The following HNRNPM variants were observed in gnomAD, a reference collection of about 807,000 sequenced individuals.
HNRNPM encodes heterogeneous nuclear ribonucleoprotein M.
Under a neutral mutation model 73.1 loss-of-function variants are expected in HNRNPM, and 11 were observed. The observed-to-expected ratio is 0.15, with a 90% CI of 0.09 to 0.25. The LOEUF is 0.25. Ranked by LOEUF, HNRNPM falls within the 10% of genes least tolerant of loss-of-function variation. HNRNPM has a pLI of 1.00. For synonymous variants in HNRNPM, 407 were observed against 355.2 expected, an observed-to-expected ratio of 1.15 and a Z score of -1.64; for missense variants, 789 against 1,067.9, an observed-to-expected ratio of 0.74 and a Z score of 3.64.
chr19:8,473,527 T>TA, intron 10 of HNRNPM, 137 bp from the exon 11 acceptor site: 1 of 635,586 alleles, frequency 1.6e-6, no homozygotes, highest in South Asian at 1.8e-5. Context: ...TCTTGCTGAT[T>TA]AAAATATATA....
intron 1 of HNRNPM, among the ~76,000 whole-genome samples, chr19:8,446,598 T>C (rs1237297083): frequency 6.6e-6 from 1 of 152,098 alleles, no homozygotes; most frequent in African/African-American, 2.4e-5. Context: ...AGAGGAGGTC[T>C]CCGGGTGTTG....
chr19:8,486,122 G>A lies in HNRNPM; in HGVS notation c.1694G>A (p.Arg565Gln), dbSNP rs1418851954. Reference sequence around the variant, plus strand: ...CGCATGGGCGCCAACAATCTGGAGCGGATGGGCCTGGAGCGCATGGGCGCC... The same window carrying A: ...CGCATGGGCGCCAACAATCTGGAGCAGATGGGCCTGGAGCGCATGGGCGCC... ...LERMGANNLE[R>Q]MGLERMGANS... Residue 565 changes from arginine (R) to glutamine (Q), a missense_variant, in exon 14 of 16, where the codon CGG (arginine) becomes CAG (glutamine). By Grantham distance (43) the Arg-to-Gln change is conservative. This residue lies in a region of HNRNPM where 604 missense variants were observed against 744.0 expected (regional missense o/e 0.81). Transcript: ENST00000325495. 4 of 1,606,108 alleles carry A rather than the reference G, an allele frequency of 2.5e-6. No homozygotes were observed. The highest frequency in any genetic ancestry group is 2.2e-5 in the East Asian group (1 of 44,770).
At position 8,477,418 on chromosome 19, in the gene HNRNPM, G is replaced by A. The variant is rs983340866; in HGVS notation, c.1120+3174G>A. 6.6e-5 allele frequency among the ~76,000 whole-genome samples: 10 copies of A among 152,252 alleles called. 1 individual carries two copies. The South Asian group carries it at 1.9e-3, about 28-fold the overall frequency. Reference sequence around the variant, plus strand: ...CACACCTGTTATCCCAACACTTTGGGAGGCTGAGGCAGGAGGATCACTTGA... The same window carrying A: ...CACACCTGTTATCCCAACACTTTGGAAGGCTGAGGCAGGAGGATCACTTGA... On this transcript the variant is annotated intron_variant, in intron 12 of 15. Coordinates refer to ENST00000325495, the MANE Select transcript of HNRNPM (RefSeq NM_005968.5).
Position 8,485,960 on chromosome 19 carries a change from T to A in HNRNPM, c.1532T>A (p.Met511Lys). Residue 511 changes from methionine (M) to lysine (K), a missense_variant, in exon 14 of 16, where the codon ATG (methionine) becomes AAG (lysine). Met to Lys is a moderately conservative substitution (Grantham distance 95). Coordinates refer to ENST00000325495, the MANE Select transcript of HNRNPM (RefSeq NM_005968.5). ...CGTGTGGGCCAGACCATTGAGCGCA[T>A]GGGCTCTGGCGTGGAGCGCATGGGC... ...IDRVGQTIER[M>K]GSGVERMGPA... is the part of the protein sequence containing the mutation. 6.2e-7 allele frequency: 1 copy of A among 1,606,392 alleles called. No homozygotes were observed. The highest frequency in any genetic ancestry group is 8.5e-7 in the Non-Finnish European group (1 of 1,179,358).
At chr19:8,450,901 T>C (rs2145612293) in intron 1 of HNRNPM, among the ~76,000 whole-genome samples, 1 of 151,500 alleles carries the variant, frequency 6.6e-6, no homozygotes, top group African/African-American at 2.4e-5. Flanking sequence ...GGCTAATTTT[T>C]GGTTTTGTTT....
chr19:8,460,699 A>G (rs1457926174), intron 2 of HNRNPM, among the ~76,000 whole-genome samples: 1 of 152,250 alleles, frequency 6.6e-6, no homozygotes, highest in African/African-American at 2.4e-5. Flanking sequence ...GAAACTTCCC[A>G]TGCAACTGGG....
chr19:8,465,396 C>G lies in HNRNPM; in HGVS notation c.511C>G (p.Pro171Ala), dbSNP rs374069537. ...MATTGGMGMG[P>A]GGPGMITIPP... ...TACGACTGGTGGGATGGGTATGGGA[C>G]CAGGTGGCCCAGGAATGATTACTAT... Residue 171 changes from proline to alanine, a missense_variant, in exon 6 of 16, where the codon CCA becomes GCA. Around this residue, in one of 4 missense-constraint regions of HNRNPM, gnomAD observed 604 missense variants for 744.0 expected, o/e 0.81. Coordinates refer to ENST00000325495, the MANE Select transcript of HNRNPM (RefSeq NM_005968.5). 8.7e-6 allele frequency: 14 copies of G among 1,613,782 alleles called. No homozygotes were observed. Among genetic ancestry groups the G allele is most frequent in the African/African-American group, 2.7e-5 (2 of 74,878 alleles).
intron 8 of HNRNPM, 140 bp downstream of exon 8, chr19:8,467,724 T>A: frequency 4.2e-6 from 3 of 707,916 alleles, no homozygotes; most frequent in Non-Finnish European, 7.6e-6. Flanking sequence ...AGCAAAATTG[T>A]GAGAGAAATA....
chr19:8,483,175 C>T lies in HNRNPM; in HGVS notation c.1138C>T (p.Leu380=), dbSNP rs745952844. The change falls in exon 13 of 16, where the codon CTG becomes TTG. Residue 380 remains leucine, a synonymous_variant. Coordinates refer to ENST00000325495, the MANE Select transcript of HNRNPM (RefSeq NM_005968.5). ...GRINEILSNA[L]KRGEIIAKQG... The stretch of plus-strand genomic sequence containing the variant: ...TTCCTTAGAAATCCTAAGTAATGCA[C>T]TGAAGAGAGGAGAGATCATTGCAAA... 1.9e-6 allele frequency: 3 copies of T among 1,611,828 alleles called. No homozygotes were observed. In the Admixed American group the frequency reaches 5.0e-5, roughly 27 times the overall value.
chr19:8,455,685 C>CCTG, intron 2 of HNRNPM, 111 bp downstream of exon 2: 1 of 741,214 alleles, frequency 1.3e-6, no homozygotes, highest in Non-Finnish European at 2.2e-6. Flanking sequence ...AGAGCATGTT[C>CCTG]TTTCCAGGCT....
rs551804984 is a variant in HNRNPM, at chr19:8,456,120, T to C, written c.283+546T>C. Reference sequence around the variant, plus strand: ...AGGCTTTTTCCCCTCTGGGAAAAAATAGAGTAGACTGGCCATTGGAGAGCT... The same window carrying C: ...AGGCTTTTTCCCCTCTGGGAAAAAACAGAGTAGACTGGCCATTGGAGAGCT... On this transcript the variant is annotated intron_variant, in intron 2 of 15. Transcript: ENST00000325495. 2.1e-3 allele frequency among the ~76,000 whole-genome samples: 326 copies of C among 152,170 alleles called. 1 individual carries two copies. The highest frequency in any genetic ancestry group is 7.5e-3 in the African/African-American group (311 of 41,526).
intron 12 of HNRNPM, among the ~76,000 whole-genome samples, chr19:8,476,849 G>C (rs1318884837): frequency 6.6e-6 from 1 of 152,152 alleles, no homozygotes; most frequent in Non-Finnish European, 1.5e-5. Flanking sequence ...CTGCGGGGCT[G>C]CAGGGTTCTG....
intron 12 of HNRNPM, among the ~76,000 whole-genome samples, chr19:8,478,669 C>G (rs1281025932): frequency 1.3e-5 from 2 of 152,148 alleles, no homozygotes; most frequent in Non-Finnish European, 2.9e-5. Flanking sequence ...ATTGCTATAT[C>G]AGTAGCATTA....
At chr19:8,464,297 A>G (rs966622359) in intron 5 of HNRNPM, among the ~76,000 whole-genome samples, 6 of 151,928 alleles carry the variant, frequency 3.9e-5, no homozygotes, top group Non-Finnish European at 7.4e-5. Context: ...TTCACATCTC[A>G]TCTGAATCAA....
chr19:8,446,191 C>T (rs1173271098), intron 1 of HNRNPM, among the ~76,000 whole-genome samples: 1 of 152,120 alleles, frequency 6.6e-6, no homozygotes, highest in Non-Finnish European at 1.5e-5. Context: ...ATTTTTTAAG[C>T]GTATAATTCA....
rs983390964 is a variant in HNRNPM, at chr19:8,455,509, C to T, written c.218C>T (p.Ala73Val). ...GCCAATCCAACTAAAAGATACAGAGCCTTCATTACAAACATACCTTTTGAT... is the reference window on the plus strand; with the variant it reads ...GCCAATCCAACTAAAAGATACAGAGTCTTCATTACAAACATACCTTTTGAT... ...PYANPTKRYR[A>V]FITNIPFDVK... is the part of the protein sequence containing the mutation. The change falls in exon 2 of 16, where the codon GCC (alanine) becomes GTC (valine). Residue 73 changes from alanine (A) to valine (V), a missense_variant. Physicochemically the swap from Ala to Val is moderately conservative, Grantham distance 64. Coordinates refer to ENST00000325495, the MANE Select transcript of HNRNPM (RefSeq NM_005968.5). The T allele has an allele frequency of 6.2e-7, 1 of 1,613,706 alleles. No homozygotes were observed. Among genetic ancestry groups the T allele is most frequent in the Non-Finnish European group, 8.5e-7 (1 of 1,179,670 alleles).
chr19:8,447,837 T>G (rs1436346364), intron 1 of HNRNPM, among the ~76,000 whole-genome samples: 1 of 152,096 alleles, frequency 6.6e-6, no homozygotes, highest in Non-Finnish European at 1.5e-5. Flanking sequence ...CCATCCTGGC[T>G]AACACGGTGA....
Position 8,471,096 on chromosome 19 carries a change from G to A in HNRNPM, c.896-230G>A, listed in dbSNP as rs117116233. 6.9e-3 allele frequency among the ~76,000 whole-genome samples: 1,050 copies of A among 151,822 alleles called. 5 individuals are homozygous for A. The highest frequency in any genetic ancestry group is 8.4e-3 in the Non-Finnish European group (573 of 67,962). ...TAGTGTGGGGGTTGTTAACTTTCCC[G>A]TGTTGGTTTTCAGCCGCCTTTGTTG... On this transcript the variant is annotated intron_variant, in intron 9 of 15. Coordinates refer to ENST00000325495, the MANE Select transcript of HNRNPM (RefSeq NM_005968.5).
chr19:8,470,414 A>G (rs1214964215), intron 9 of HNRNPM, among the ~76,000 whole-genome samples: 2 of 151,732 alleles, frequency 1.3e-5, no homozygotes, highest in Non-Finnish European at 1.5e-5. Context: ...TGCAACCTCC[A>G]TTTCCTGGGT....
Sources: allele counts gnomAD v4.1 joint callset (sites outside exome capture counted in the v4.1 genomes callset), GRCh38; gene constraint gnomAD v4.1.1; regional missense constraint gnomAD v4.1.1; transcripts MANE v1.5; gene names NCBI Gene and HGNC (gene_info 2026-07-23, HGNC 2026-07-21).